Variants in ABHD18 observed in about 807,000 individuals in gnomAD.
The protein encoded by ABHD18 is abhydrolase domain containing 18.
Under a neutral mutation model 65.9 loss-of-function variants are expected in ABHD18, and 55 were observed. The observed-to-expected ratio is 0.84, with a 90% confidence interval of 0.67 to 1.05. The LOEUF is 1.05. ABHD18 is among the 50% of genes least tolerant of loss of function. The pLI is 0.00. For synonymous variants in ABHD18, 181 were observed against 180.2 expected, an observed-to-expected ratio of 1.00 and a Z score of -0.04; for missense variants, 533 against 558.5, an observed-to-expected ratio of 0.95 and a Z score of 0.46.
chr4:127,996,407 C>G (rs191413065), intron 4 of ABHD18, among the ~76,000 whole-genome samples: 9 of 151,700 alleles, frequency 5.9e-5, no homozygotes, highest in African/African-American at 2.2e-4. Context: ...GACCCCGAGC[C>G]GCAAAATCAG....
At chr4:128,005,928 A>T (rs1032045422) in intron 4 of ABHD18, among the ~76,000 whole-genome samples, 17 of 152,170 alleles carry the variant, frequency 1.1e-4, no homozygotes, top group Admixed American at 1.3e-4. Flanking sequence ...AGCTAACAAA[A>T]CATAGCTACC....
intron 1 of ABHD18, among the ~76,000 whole-genome samples, chr4:127,968,361 T>C (rs374104421): frequency 5.8e-4 from 88 of 152,390 alleles, no homozygotes; most frequent in African/African-American, 1.9e-3. Flanking sequence ...CTACTTAAAC[T>C]TGTATAGACA....
intron 1 of ABHD18, among the ~76,000 whole-genome samples, chr4:127,981,227 A>G (rs1013273255): frequency 6.6e-6 from 1 of 152,162 alleles, no homozygotes; most frequent in Admixed American, 6.5e-5. Context: ...TATTCCACGT[A>G]TGATATTTTT....
intron 1 of ABHD18, among the ~76,000 whole-genome samples, chr4:127,971,467 T>C (rs1579108173): frequency 6.9e-6 from 1 of 145,662 alleles, no homozygotes; most frequent in African/African-American, 2.5e-5. Context: ...ACTCTCTGAA[T>C]ATGTCCAGAG....
chr4:128,031,081 G>C, intron 12 of ABHD18: 1 of 991,872 alleles, frequency 1.0e-6, no homozygotes, highest in Non-Finnish European at 1.2e-6. Flanking sequence ...GTTAGCAAGT[G>C]AATATTGAAC....
chr4:127,995,681 A>G (rs1003072698), intron 4 of ABHD18, among the ~76,000 whole-genome samples: 1 of 152,204 alleles, frequency 6.6e-6, no homozygotes, highest in African/African-American at 2.4e-5. Flanking sequence ...TTTAAATATA[A>G]GTATGTAACT....
At chr4:127,984,181 A>C (rs2149074208) in intron 2 of ABHD18, among the ~76,000 whole-genome samples, 158 bp from the exon 3 acceptor site, 1 of 152,382 alleles carries the variant, frequency 6.6e-6, no homozygotes, top group Non-Finnish European at 1.5e-5. Context: ...GGAAAAAACA[A>C]CAGCCTAATC....
At chr4:127,968,189 G>A (rs1181957607) in intron 1 of ABHD18, among the ~76,000 whole-genome samples, 1 of 152,190 alleles carries the variant, frequency 6.6e-6, no homozygotes, top group Non-Finnish European at 1.5e-5. Flanking sequence ...CAGCCTGGGC[G>A]ACAGAGCGAG....
intron 10 of ABHD18, among the ~76,000 whole-genome samples, chr4:128,025,136 A>G (rs1245910744): frequency 6.6e-6 from 1 of 152,152 alleles, no homozygotes; most frequent in Non-Finnish European, 1.5e-5. Flanking sequence ...AACAACCTAT[A>G]TTGTTTAGTG....
chr4:127,993,745 T>A (rs920422391), intron 4 of ABHD18, among the ~76,000 whole-genome samples: 96 of 152,218 alleles, frequency 6.3e-4, no homozygotes, highest in African/African-American at 2.1e-3. Flanking sequence ...ATACTGTGAC[T>A]CTACCATAAT....
intron 1 of ABHD18, among the ~76,000 whole-genome samples, chr4:127,979,706 A>C (rs911790958): frequency 1.3e-5 from 2 of 152,166 alleles, no homozygotes; most frequent in Admixed American, 1.3e-4. Context: ...ATCTGAGGTC[A>C]GGAGTTTGAG....
chr4:127,974,572 C>T (rs1486465735), intron 1 of ABHD18, among the ~76,000 whole-genome samples: 1 of 151,190 alleles, frequency 6.6e-6, no homozygotes, highest in African/African-American at 2.4e-5. Flanking sequence ...GGAATTTCAC[C>T]ATGTTGCCCA....
chr4:127,997,227 G>A (rs1397932587), intron 4 of ABHD18, among the ~76,000 whole-genome samples: 3 of 152,070 alleles, frequency 2.0e-5, no homozygotes, highest in East Asian at 1.9e-4. Context: ...TATGTTCTTC[G>A]CCTTGGCTCC....
chr4:127,968,654 A>G (rs1055475097), intron 1 of ABHD18, among the ~76,000 whole-genome samples: 1 of 152,234 alleles, frequency 6.6e-6, no homozygotes, highest in African/African-American at 2.4e-5. Flanking sequence ...TTGGCACTGT[A>G]CTAGAACTTC....
chr4:128,030,566 C>T lies in ABHD18; in HGVS notation c.1237C>T (p.Pro413Ser). 1.2e-6 allele frequency: 2 copies of T among 1,607,508 alleles called. No homozygotes were observed. The highest frequency in any genetic ancestry group is 1.7e-6 in the Non-Finnish European group (2 of 1,178,882). Residue 413 changes from proline (P) to serine (S), a missense_variant, in exon 12 of 13, where the codon CCA becomes TCA. By Grantham distance (74) the Pro-to-Ser change is moderately conservative. Around this residue, in one of 3 missense-constraint regions of ABHD18, gnomAD observed 220 missense variants for 226.8 expected, o/e 0.97. Coordinates refer to ENST00000645843, the MANE Select transcript of ABHD18 (RefSeq NM_001358451.3). ...TCAAGCCAAAGAAGATGCCTATATT[C>T]CACGAACAGGAGTTCGAAGTTTACA... ...VVQAKEDAYI[P>S]RTGVRSLQEI...
Position 127,976,667 on chromosome 4 carries a change from T to G in ABHD18, c.-17-6272T>G, listed in dbSNP as rs1483597870. On this transcript the variant is annotated intron_variant, in intron 1 of 12. Transcript: ENST00000645843. ...TGGAAACTAAAATTTTATGTTTATA[T>G]CATCTATTTATTGTTTTTCCATGAG... is the stretch of plus-strand genomic sequence containing the variant. 4.6e-5 allele frequency among the ~76,000 whole-genome samples: 7 copies of G among 152,330 alleles called. No individual in the cohort carries two copies. The East Asian group carries it at 1.3e-3, about 29-fold the overall frequency.
chr4:127,967,065 C>T (rs1579077200), intron 1 of ABHD18, among the ~76,000 whole-genome samples: 1 of 152,100 alleles, frequency 6.6e-6, no homozygotes, highest in Admixed American at 6.6e-5. Context: ...TTAGTATTTT[C>T]TTGCCATAAT....
At chr4:127,997,319 C>T (rs777301014) in intron 4 of ABHD18, among the ~76,000 whole-genome samples, 6 of 152,186 alleles carry the variant, frequency 3.9e-5, no homozygotes, top group Non-Finnish European at 5.9e-5. Context: ...TGTACATACA[C>T]AATCTTACTG....
Position 127,983,015 on chromosome 4 carries a change from CAG to C in ABHD18, c.63_64del (p.Gly22MetfsTer12). ...GACTTCTCCTAACAAAACTTTTTAT[CAG>C]AGGATGGGGAAGGCCAGAAGATCTC... ...RRLLLTKLFIRGWGRPEDLKR... is the reference protein window; with the variant it reads ...RRLLLTKLFIXGWGRPEDLKR... On this transcript the variant is annotated frameshift_variant, in exon 2 of 13. Transcript: ENST00000645843. LOFTEE classifies it high-confidence loss of function. 1 of 1,561,360 alleles carries C rather than the reference CAG, an allele frequency of 6.4e-7. No homozygotes were observed. The highest frequency in any genetic ancestry group is 8.7e-7 in the Non-Finnish European group (1 of 1,151,510).
Sources: allele counts gnomAD v4.1 joint callset (sites outside exome capture counted in the v4.1 genomes callset), GRCh38; gene constraint gnomAD v4.1.1; regional missense constraint gnomAD v4.1.1; transcripts MANE v1.5; gene names NCBI Gene and HGNC (gene_info 2026-07-23, HGNC 2026-07-21).